The following PCNX2 variants were observed in gnomAD, a reference collection of about 807,000 sequenced individuals.
PCNX2 encodes pecanex-like protein 2.
Under a neutral mutation model 223.8 loss-of-function variants are expected in PCNX2, and 168 were observed. That is an observed-to-expected ratio of 0.75 (90% CI 0.66 to 0.85). The LOEUF (loss-of-function observed/expected upper bound fraction) is 0.85, where lower values mean the gene tolerates loss of function less well. Among genes scored for constraint, PCNX2 ranks in the 40% least tolerant of loss-of-function variants. The pLI, the probability that PCNX2 is intolerant of heterozygous loss-of-function variation, is 0.00. For missense variants in PCNX2, 2,507 were observed against 2,675.5 expected (o/e 0.94, Z 1.39); for synonymous variants, 1,006 against 1,052.6 (o/e 0.96, Z 0.86).
At chr1:233,270,032 A>G (rs148139721) in intron 1 of PCNX2, among the ~76,000 whole-genome samples, 1 of 152,284 alleles carries the variant, frequency 6.6e-6, no homozygotes, top group African/African-American at 2.4e-5. Flanking sequence ...ATTAAGAGAG[A>G]GCACCTTTGT....
At chr1:233,134,940 A>T in intron 21 of PCNX2, 73 bp downstream of exon 21, 2 of 1,283,490 alleles carry the variant, frequency 1.6e-6, no homozygotes, top group Non-Finnish European at 2.2e-6. Flanking sequence ...AATAAGTTTT[A>T]AACTCTTAAA....
chr1:233,275,392 G>A (rs111973501), intron 1 of PCNX2, among the ~76,000 whole-genome samples: 13,711 of 151,904 alleles, frequency 0.09, 755 homozygotes, highest in South Asian at 0.21. Context: ...TAGTAGAGAC[G>A]GGGTTTCACC....
At chr1:233,261,385 C>G (rs933204599) in intron 3 of PCNX2, 64 bp from the exon 4 acceptor site, 2 of 1,461,200 alleles carry the variant, frequency 1.4e-6, no homozygotes, top group African/African-American at 2.8e-5. Flanking sequence ...TCCAGACAGT[C>G]GGCAATAACT....
chr1:233,155,298 G>C (rs758940999), intron 19 of PCNX2, among the ~76,000 whole-genome samples: 1 of 152,014 alleles, frequency 6.6e-6, no homozygotes, highest in Non-Finnish European at 1.5e-5. Context: ...CTAGTGTCAC[G>C]GCCCACATTA....
At chr1:233,208,004 G>A (rs1439339639) in intron 13 of PCNX2, among the ~76,000 whole-genome samples, 2 of 151,692 alleles carry the variant, frequency 1.3e-5, no homozygotes, top group East Asian at 3.9e-4. Context: ...TGCCCAAGCT[G>A]GAGAGCAATG....
At chr1:233,013,998 A>C (rs1041826567) in intron 28 of PCNX2, among the ~76,000 whole-genome samples, 1 of 152,158 alleles carries the variant, frequency 6.6e-6, no homozygotes, top group Non-Finnish European at 1.5e-5. Flanking sequence ...ATGGCCACTG[A>C]TTTGGGTGAT....
At position 233,268,621 on chromosome 1, in the gene PCNX2, A is replaced by C. The variant is rs141974085; in HGVS notation, c.154-5458T>G. On this transcript the variant is annotated intron_variant, in intron 1 of 33. Coordinates refer to ENST00000258229, the MANE Select transcript of PCNX2 (RefSeq NM_014801.4). ...GCTCACAGAACTCCTCCTTTCTGGA[A>C]GTTACCTACCTAGCAACTTCAATGA... Among the ~76,000 whole-genome samples, 671 of 152,314 alleles carry C rather than the reference A, an allele frequency of 4.4e-3. 4 individuals carry two copies. Among genetic ancestry groups the C allele is most frequent in the African/African-American group, 0.016 (654 of 41,580 alleles).
intron 25 of PCNX2, among the ~76,000 whole-genome samples, chr1:233,038,090 T>G (rs1440447043): frequency 6.6e-6 from 1 of 152,190 alleles, no homozygotes; most frequent in Non-Finnish European, 1.5e-5. Context: ...TATTCTTCTT[T>G]TATCACACAC....
At chr1:233,179,284 T>C (rs1679660445) in intron 15 of PCNX2, 109 bp from the exon 16 acceptor site, 1 of 1,136,708 alleles carries the variant, frequency 8.8e-7, no homozygotes, top group Non-Finnish European at 1.3e-6. Context: ...GGATGAGTTA[T>C]TCCCATGATT....
chr1:233,142,442 C>CT (rs1454684637), intron 19 of PCNX2, among the ~76,000 whole-genome samples: 1 of 152,182 alleles, frequency 6.6e-6, no homozygotes, highest in Admixed American at 6.5e-5. Flanking sequence ...CATCCATGTC[C>CT]TGCATCCTGT....
At chr1:233,004,811 G>A (rs1003461521) in intron 28 of PCNX2, among the ~76,000 whole-genome samples, 4 of 152,168 alleles carry the variant, frequency 2.6e-5, no homozygotes, top group South Asian at 4.1e-4. Flanking sequence ...GAAAGAGGCC[G>A]CTGAGGCTTC....
chr1:233,086,894 G>T, intron 23 of PCNX2: 1 of 482,604 alleles, frequency 2.1e-6, no homozygotes, highest in Non-Finnish European at 2.7e-6. Context: ...GCAGGCTTTT[G>T]AGGAGAAGAG....
At position 233,295,487 on chromosome 1, in the gene PCNX2, C is replaced by G; in HGVS notation, c.-9G>C. On this transcript the variant is annotated 5_prime_UTR_variant, in exon 1 of 34. Transcript: ENST00000258229. The surrounding 1 kb of genome is among the most constrained non-coding windows in gnomAD (Gnocchi z 4.1). ...AGCACCTGGGACACCATGCCGGCTG[C>G]GCCCCGGGGCTGGTGAGCGCCCCGC... The G allele has an allele frequency of 6.5e-7, 1 of 1,545,512 alleles. No individual in the cohort carries two copies.
intron 25 of PCNX2, among the ~76,000 whole-genome samples, chr1:233,043,444 T>C (rs1476970520): frequency 1.3e-5 from 2 of 152,150 alleles, no homozygotes; most frequent in Non-Finnish European, 2.9e-5. Flanking sequence ...GTAGGGTACA[T>C]GTGCACAATG....
At chr1:233,212,082 T>C (rs1167089933) in intron 12 of PCNX2, among the ~76,000 whole-genome samples, 3 of 152,214 alleles carry the variant, frequency 2.0e-5, no homozygotes, top group African/African-American at 7.2e-5. Context: ...TTTTGGTGGC[T>C]GTTGATGATT....
intron 9 of PCNX2, chr1:233,232,678 T>C (rs1465010769): frequency 2.4e-6 from 1 of 424,160 alleles, no homozygotes. Context: ...TTTCATCTTT[T>C]AGTAAATGCC....
At chr1:233,132,395 G>C (rs1456832393) in intron 21 of PCNX2, among the ~76,000 whole-genome samples, 1 of 152,174 alleles carries the variant, frequency 6.6e-6, no homozygotes, top group Non-Finnish European at 1.5e-5. Flanking sequence ...CCTTTGGTGA[G>C]ATGCCCACTT....
At chr1:233,018,704 T>C (rs1670772109) in intron 26 of PCNX2, 2 of 944,196 alleles carry the variant, frequency 2.1e-6, no homozygotes, top group Non-Finnish European at 2.5e-6. Context: ...AACAGAAAAA[T>C]GCAGGTGGTG....
intron 21 of PCNX2, among the ~76,000 whole-genome samples, chr1:233,117,863 A>T (rs980672434): frequency 5.3e-5 from 8 of 150,706 alleles, no homozygotes; most frequent in Admixed American, 4.0e-4. Flanking sequence ...ACAAAAAATT[A>T]GCCGGGCGTA....
Sources: allele counts gnomAD v4.1 joint callset (sites outside exome capture counted in the v4.1 genomes callset), GRCh38; gene constraint gnomAD v4.1.1; non-coding constraint Gnocchi (gnomAD v3.1); transcripts MANE v1.5; gene names NCBI Gene and HGNC (gene_info 2026-07-23, HGNC 2026-07-21).